CA14: variants seen among roughly 807,000 people sequenced by gnomAD.
CA14 encodes carbonic anhydrase 14.
A neutral mutation model predicts 48.8 loss-of-function variants in CA14; 44 were observed. The ratio of observed to expected loss-of-function variants is 0.90; its 90% CI spans 0.71 to 1.16. CA14 has a LOEUF of 1.16. Ranked by LOEUF, CA14 falls within the 50% of genes most tolerant of loss-of-function variation. CA14 has a pLI of 0.00. For missense variants in CA14, 386 were observed against 401.0 expected (o/e 0.96, Z 0.32); for synonymous variants, 154 against 155.0 (o/e 0.99, Z 0.05).
At chr1:150,258,249 A>T in intron 1 of CA14, 66 bp downstream of exon 1, 1 of 1,362,202 alleles carries the variant, frequency 7.3e-7, no homozygotes, top group Non-Finnish European at 1.0e-6. Context: ...GGTGTGCTTA[A>T]TGGGGGGAGG....
rs16835571 is a variant in CA14 at position 150,260,139 on chromosome 1, T to A, written c.56-12T>A. 1.5e-3 allele frequency: 2,462 copies of A among 1,613,344 alleles called. 33 individuals carry two copies. In the African/African-American group the frequency reaches 0.03, roughly 19 times the overall value. ...CTGCGCTGGCTGTAACCCAAACTAT[T>A]CTGCCTTGCAGGTCAACACTGGACG... On this transcript the variant is annotated splice_polypyrimidine_tract_variant and intron_variant, in intron 1 of 10. Coordinates refer to ENST00000369111, the MANE Select transcript of CA14 (RefSeq NM_012113.3).
In CA14 at chr1:150,263,409, T is replaced by C. The variant is rs782094375; in HGVS notation, c.831T>C (p.Ser277=). 4.3e-6 allele frequency: 7 copies of C among 1,614,052 alleles called. No individual in the cohort carries two copies. Among genetic ancestry groups the C allele is most frequent in the Non-Finnish European group, 5.9e-6 (7 of 1,180,032 alleles). ...QPLNQRMVFA[S]FIQAGSSYTT... is the part of the protein sequence containing the mutation. ...TCAATCAGCGCATGGTCTTTGCTTC[T>C]TTCATCCAAGGTGATTCTGCACGGC... The change falls in exon 8 of 11, where the codon TCT becomes TCC. Residue 277 remains serine, a synonymous_variant. Transcript: ENST00000369111.
At chr1:150,262,124 C>T in intron 3 of CA14, 34 bp from the exon 4 acceptor site, 1 of 1,613,696 alleles carries the variant, frequency 6.2e-7, no homozygotes, top group Non-Finnish European at 8.5e-7. Flanking sequence ...ATCCACATGC[C>T]TCCACCAATC....
In CA14 at chr1:150,263,869, G is replaced by A. The variant is rs1553848697; in HGVS notation, c.938G>A (p.Arg313Lys). 3.1e-6 allele frequency: 5 copies of A among 1,588,622 alleles called. No individual in the cohort carries two copies. The highest frequency in any genetic ancestry group is 3.5e-6 in the Non-Finnish European group (4 of 1,159,102). ...CTCCTGGCTGTTTATTTCATTGCTA[G>A]AAAGATTCGGTGAGGCCCTACTTTC... ...CLLLAVYFIA[R>K]KIRKKRLENR... Residue 313 changes from arginine to lysine, a missense_variant, in exon 10 of 11, where the codon AGA becomes AAA. Arg to Lys is a conservative substitution (Grantham distance 26). Transcript: ENST00000369111.
chr1:150,258,273 G>A (rs782593297), intron 1 of CA14, 90 bp downstream of exon 1: 1 of 1,052,794 alleles, frequency 9.5e-7, no homozygotes, highest in Non-Finnish European at 1.4e-6. Context: ...GGTGTGAAAG[G>A]AAGCCTAGAG....
At position 150,263,640 on chromosome 1, in the gene CA14, C is replaced by T. The variant is rs1553848529; in HGVS notation, c.842-19C>T. ...GATGGGGATCTGAAGTCCCACTGAC[C>T]CATTTTCTTCTCTTACAGCAGGATC... On this transcript the variant is annotated intron_variant, in intron 8 of 10. Coordinates refer to ENST00000369111, the MANE Select transcript of CA14 (RefSeq NM_012113.3). 5 of 1,613,740 alleles carry T rather than the reference C, an allele frequency of 3.1e-6. No individual in the cohort carries two copies. In the South Asian group the frequency reaches 3.3e-5, roughly 11 times the overall value.
Position 150,263,777 on chromosome 1 carries a change from A to G in CA14, c.863-17A>G. 6.2e-7 allele frequency: 1 copy of G among 1,612,918 alleles called. No individual in the cohort carries two copies. The highest frequency in any genetic ancestry group is 8.5e-7 in the Non-Finnish European group (1 of 1,178,942). ...TGTTAGTCCTAGGCTGACACCTTTT[A>G]CCTTTATCTCCCCCAGGTGAAATGC... is the stretch of plus-strand genomic sequence containing the variant. On this transcript the variant is annotated splice_polypyrimidine_tract_variant and intron_variant, in intron 9 of 10. Coordinates refer to ENST00000369111, the MANE Select transcript of CA14 (RefSeq NM_012113.3).
At chr1:150,259,620 A>G (rs2101827102) in intron 1 of CA14, among the ~76,000 whole-genome samples, 1 of 152,254 alleles carries the variant, frequency 6.6e-6, no homozygotes, top group South Asian at 2.1e-4. Flanking sequence ...GAATTTACAT[A>G]TGAGTTTACA....
chr1:150,258,287 G>C (rs1650717812), intron 1 of CA14, 104 bp downstream of exon 1: 1 of 852,010 alleles, frequency 1.2e-6, no homozygotes, highest in African/African-American at 1.7e-5. Context: ...CCTAGAGGCT[G>C]GAATAATAGG....
rs1553848013 is a variant in CA14, at chr1:150,262,204, A to C, written c.303A>C (p.Arg101=). The change falls in exon 4 of 11, where the codon CGA becomes CGC. Residue 101 remains arginine (R), a synonymous_variant. Transcript: ENST00000369111. ...CCCTGTATCTGGGTGGACTTCCCCG[A>C]AAATATGTAGCTGCCCAGCTCCACC... ...PSTLYLGGLP[R]KYVAAQLHLH... 1.9e-6 allele frequency: 3 copies of C among 1,614,104 alleles called. No individual in the cohort carries two copies. Among genetic ancestry groups the C allele is most frequent in the Middle Eastern group, 1.6e-4 (1 of 6,062 alleles).
chr1:150,263,908 C>CCTT, intron 10 of CA14, 30 bp downstream of exon 10: 2 of 1,377,972 alleles, frequency 1.5e-6, no homozygotes, highest in African/African-American at 1.7e-5. Context: ...TCCTCCAGTC[C>CCTT]CTTCTTCTTT....
At position 150,262,034 on chromosome 1, in the gene CA14, G is replaced by A; in HGVS notation, c.257-124G>A. 3.7e-6 allele frequency: 4 copies of A among 1,086,338 alleles called. No individual in the cohort carries two copies. The South Asian group carries it at 5.6e-5, about 15-fold the overall frequency. 67.3% of individuals were successfully genotyped at this position (1,086,338 alleles called of 1,614,324 possible). On this transcript the variant is annotated intron_variant, in intron 3 of 10. Coordinates refer to ENST00000369111, the MANE Select transcript of CA14 (RefSeq NM_012113.3). ...CTAGAAAAGCACTGGCCTATGGGAG[G>A]AACTGGGTGCTACTGGGGGAGAAAA... is the stretch of plus-strand genomic sequence containing the variant.
chr1:150,264,295 C>T (rs1253706177), intron 10 of CA14, among the ~76,000 whole-genome samples: 4 of 151,916 alleles, frequency 2.6e-5, no homozygotes, highest in East Asian at 1.9e-4. Flanking sequence ...CTCCACCTCC[C>T]GGGCTCAAGT....
Position 150,262,632 on chromosome 1 carries a change from CCA to C in CA14, c.495+13_495+14del. On this transcript the variant is annotated intron_variant, in intron 5 of 10. Coordinates refer to ENST00000369111, the MANE Select transcript of CA14 (RefSeq NM_012113.3). ...GCATCCTAATTGAGGTCAGTAGCCC[CCA>C]GTCCCTTCCAGGTTTCTCTCCACTT... 2 of 1,591,678 alleles carry C rather than the reference CCA, an allele frequency of 1.3e-6. No individual in the cohort carries two copies. Among genetic ancestry groups the C allele is most frequent in the Non-Finnish European group, 1.7e-6 (2 of 1,159,564 alleles).
rs782334420 is a variant in CA14 at position 150,262,538 on chromosome 1, A to G, written c.413A>G (p.His138Arg). Reference protein sequence around the residue: ...EATFAELHIVHYDSDSYDSLS... With the variant: ...EATFAELHIVRYDSDSYDSLS... ...TCCTTCCTTTAGCTCCACATTGTAC[A>G]TTATGACTCTGATTCCTATGACAGC... The change falls in exon 5 of 11, where the codon CAT becomes CGT. Residue 138 changes from histidine to arginine, a missense_variant. Coordinates refer to ENST00000369111, the MANE Select transcript of CA14 (RefSeq NM_012113.3). 2.5e-6 allele frequency: 4 copies of G among 1,613,702 alleles called. No homozygotes were observed. Among genetic ancestry groups the G allele is most frequent in the Non-Finnish European group, 3.4e-6 (4 of 1,179,590 alleles).
chr1:150,259,118 A>C (rs1650785881), intron 1 of CA14, among the ~76,000 whole-genome samples: 1 of 152,208 alleles, frequency 6.6e-6, no homozygotes, highest in Non-Finnish European at 1.5e-5. Context: ...GGGGTCCCAC[A>C]GATATGGTAA....
chr1:150,264,745 A>C lies in CA14; in HGVS notation c.*86A>C. 1 of 1,002,946 alleles carries C rather than the reference A, an allele frequency of 1.0e-6. No homozygotes were observed. The highest frequency in any genetic ancestry group is 1.5e-6 in the Non-Finnish European group (1 of 655,320). 62.1% of individuals were successfully genotyped at this position (1,002,946 alleles called of 1,614,324 possible). A position where few individuals can be genotyped will look rare whatever the true frequency, so the allele number is the denominator to read the frequency against. On this transcript the variant is annotated 3_prime_UTR_variant, in exon 11 of 11. Transcript: ENST00000369111. ...AAAATGGGGTGTAGGATCTGGCCAG[A>C]AACACTGTAGGAGTAGTAAGCAGAT...
chr1:150,260,226 T>G (rs782165466), intron 2 of CA14, 55 bp downstream of exon 2: 1 of 1,569,996 alleles, frequency 6.4e-7, no homozygotes, highest in South Asian at 1.1e-5. Flanking sequence ...CCTCCTCACC[T>G]GGCAGGAAGA....
In CA14 at chr1:150,264,667, C is replaced by T. The variant is rs782177237; in HGVS notation, c.*8C>T. 7 of 1,610,156 alleles carry T rather than the reference C, an allele frequency of 4.3e-6. No homozygotes were observed. The highest frequency in any genetic ancestry group is 5.9e-6 in the Non-Finnish European group (7 of 1,177,188). ...GCCACGACTGAGGCATAAATTCCTTCTCAGATACCATGGATGTGGATGACT... is the reference window on the plus strand; with the variant it reads ...GCCACGACTGAGGCATAAATTCCTTTTCAGATACCATGGATGTGGATGACT... On this transcript the variant is annotated 3_prime_UTR_variant, in exon 11 of 11. Transcript: ENST00000369111.
Sources: allele counts gnomAD v4.1 joint callset (sites outside exome capture counted in the v4.1 genomes callset), GRCh38; gene constraint gnomAD v4.1.1; transcripts MANE v1.5; gene names NCBI Gene and HGNC (gene_info 2026-07-23, HGNC 2026-07-21).